DNAI4: variants seen among roughly 807,000 people sequenced by gnomAD.
DNAI4 encodes the protein WD repeat domain 78.
A neutral mutation model predicts 105.8 loss-of-function variants in DNAI4; 85 were observed. That is an observed-to-expected ratio of 0.80 (90% CI 0.67 to 0.96). The LOEUF is 0.96. DNAI4 is among the 40% of genes least tolerant of loss of function. DNAI4 has a pLI of 0.00. For synonymous variants in DNAI4, 352 were observed against 331.5 expected (o/e 1.06, Z -0.67); for missense variants, 1,014 against 1,005.6 (o/e 1.01, Z -0.11).
chr1:66,822,679 A>G (rs1279985683), intron 15 of DNAI4, among the ~76,000 whole-genome samples, 162 bp from the exon 16 acceptor site: 1 of 152,140 alleles, frequency 6.6e-6, no homozygotes, highest in Non-Finnish European at 1.5e-5. Flanking sequence ...TCCTTACTCA[A>G]TCAAAACCTT....
At chr1:66,859,781 T>A (rs1351903012) in intron 7 of DNAI4, among the ~76,000 whole-genome samples, 1 of 152,048 alleles carries the variant, frequency 6.6e-6, no homozygotes, top group Non-Finnish European at 1.5e-5. Flanking sequence ...AATAAAAATA[T>A]CAGTGACTAT....
In DNAI4 at chr1:66,890,813, A is replaced by AGAAGAGGAAAAGAGGAAGAGGAAGAAAAG. The variant is rs1353337254; in HGVS notation, c.643+312_643+340dup. ...AGAAGAAGTGAGGAAGAAGAGGAAA[A>AGAAGAGGAAAAGAGGAAGAGGAAGAAAAG]GAAGAGGAAAAGAGGAAGAGGAAGA... On this transcript the variant is annotated intron_variant, in intron 4 of 16. Coordinates refer to ENST00000371026, the MANE Select transcript of DNAI4 (RefSeq NM_024763.5). The surrounding 1 kb of genome is among the most constrained non-coding windows in gnomAD (Gnocchi z 4.1). 2 of 316,682 alleles carry AGAAGAGGAAAAGAGGAAGAGGAAGAAAAG rather than the reference A, an allele frequency of 6.3e-6. No individual in the cohort carries two copies. Among genetic ancestry groups the AGAAGAGGAAAAGAGGAAGAGGAAGAAAAG allele is most frequent in the Non-Finnish European group, 1.2e-5 (2 of 168,496 alleles). The allele number at this position is 316,682 out of a possible 1,614,324, so 19.6% of individuals were successfully genotyped here. A position where few individuals can be genotyped will look rare whatever the true frequency, so the allele number is the denominator to read the frequency against.
At chr1:66,922,479 G>A (rs573821077) in intron 1 of DNAI4, among the ~76,000 whole-genome samples, 27 of 152,220 alleles carry the variant, frequency 1.8e-4, no homozygotes, top group Non-Finnish European at 3.8e-4. Flanking sequence ...AGAGTCTATA[G>A]TGAGATCCTG....
At chr1:66,874,107 A>G (rs1296358342) in intron 5 of DNAI4, among the ~76,000 whole-genome samples, 1 of 151,952 alleles carries the variant, frequency 6.6e-6, no homozygotes, top group Non-Finnish European at 1.5e-5. Context: ...TATAGTAGCT[A>G]TATTAATTTT....
chr1:66,863,429 C>T (rs891701871), intron 6 of DNAI4, among the ~76,000 whole-genome samples: 3 of 151,818 alleles, frequency 2.0e-5, no homozygotes, highest in Admixed American at 6.6e-5. Flanking sequence ...CGGTAATAAT[C>T]GGGTTTTTTG....
chr1:66,894,145 T>C (rs930761038), intron 2 of DNAI4, among the ~76,000 whole-genome samples: 6 of 152,186 alleles, frequency 3.9e-5, no homozygotes, highest in Admixed American at 6.6e-5. Context: ...TAGTTAACTG[T>C]AAAACAGCCT....
At chr1:66,845,204 A>AAG (rs1572637675) in intron 8 of DNAI4, among the ~76,000 whole-genome samples, 1 of 32,514 alleles carries the variant, frequency 3.1e-5, no homozygotes, top group Non-Finnish European at 9.4e-5. Context: ...AAAAAAAAAA[A>AAG]AAAAAGAAAA....
In DNAI4 at chr1:66,844,814, G is replaced by T. The variant is rs1329509314; in HGVS notation, c.1291+2670C>A. 3.3e-5 allele frequency among the ~76,000 whole-genome samples: 5 copies of T among 152,152 alleles called. No homozygotes were observed. In the East Asian group the frequency reaches 9.6e-4, roughly 29 times the overall value. ...TAAGAAAATAAATTGGCAAGCCATA[G>T]ATTTAAATATTTGCAAAATATGTAA... On this transcript the variant is annotated intron_variant, in intron 8 of 16. Transcript: ENST00000371026.
intron 1 of DNAI4, chr1:66,907,042 ATCT>A (rs1352076737): frequency 1.3e-5 from 2 of 151,842 alleles, no homozygotes; most frequent in African/African-American, 4.8e-5. Flanking sequence ...TGCCCCAATC[ATCT>A]CCTCAACTTG....
intron 16 of DNAI4, among the ~76,000 whole-genome samples, chr1:66,814,793 A>T (rs1645483246): frequency 6.6e-6 from 1 of 152,174 alleles, no homozygotes; most frequent in Non-Finnish European, 1.5e-5. Context: ...ATACCTGTTA[A>T]ACTTACTGAT....
chr1:66,854,063 A>G (rs530607869), intron 7 of DNAI4, among the ~76,000 whole-genome samples: 5 of 152,214 alleles, frequency 3.3e-5, no homozygotes, highest in Non-Finnish European at 7.3e-5. Flanking sequence ...CTGTATTTCT[A>G]AATACTACCA....
chr1:66,833,881 A>G, intron 12 of DNAI4, 110 bp downstream of exon 12: 1 of 1,416,624 alleles, frequency 7.1e-7, no homozygotes, highest in Non-Finnish European at 9.4e-7. Flanking sequence ...TGACCAACCC[A>G]ATTTTTTTCT....
intron 6 of DNAI4, among the ~76,000 whole-genome samples, chr1:66,866,377 A>G (rs1384336592): frequency 6.6e-6 from 1 of 152,124 alleles, no homozygotes; most frequent in Non-Finnish European, 1.5e-5. Flanking sequence ...CCGATAATGT[A>G]CCTAAGTATT....
intron 1 of DNAI4, 44 bp downstream of exon 1, chr1:66,924,618 G>T: frequency 1.9e-6 from 3 of 1,613,910 alleles, no homozygotes; most frequent in South Asian, 1.1e-5. Flanking sequence ...GGCTCCCTCC[G>T]GGTCCCAGGG....
chr1:66,832,421 C>G (rs112657157), intron 13 of DNAI4, among the ~76,000 whole-genome samples: 1 of 152,036 alleles, frequency 6.6e-6, no homozygotes, highest in South Asian at 2.1e-4. Context: ...AAACATGGAA[C>G]ACATGTTCTG....
At chr1:66,845,260 G>A (rs1646253160) in intron 8 of DNAI4, among the ~76,000 whole-genome samples, 2 of 122,162 alleles carry the variant, frequency 1.6e-5, no homozygotes, top group South Asian at 5.8e-4. Flanking sequence ...AAATTGGTAA[G>A]AGACTTGACC....
chr1:66,873,851 C>CTTTTT (rs1646902588), intron 5 of DNAI4, among the ~76,000 whole-genome samples: 3 of 141,338 alleles, frequency 2.1e-5, no homozygotes, highest in African/African-American at 8.2e-5. Context: ...TTCCCTCTTT[C>CTTTTT]CTTTTTTTTT....
chr1:66,864,670 T>C (rs1646694723), intron 6 of DNAI4, among the ~76,000 whole-genome samples: 1 of 152,086 alleles, frequency 6.6e-6, no homozygotes, highest in Non-Finnish European at 1.5e-5. Context: ...GCCAACATGG[T>C]GAAACCCTGT....
chr1:66,815,810 A>C (rs1166724291), intron 16 of DNAI4, among the ~76,000 whole-genome samples: 1 of 152,238 alleles, frequency 6.6e-6, no homozygotes, highest in Admixed American at 6.5e-5. Flanking sequence ...GCCAACAGTT[A>C]GCTACATCAT....
Sources: allele counts gnomAD v4.1 joint callset (sites outside exome capture counted in the v4.1 genomes callset), GRCh38; gene constraint gnomAD v4.1.1; non-coding constraint Gnocchi (gnomAD v3.1); transcripts MANE v1.5; gene names NCBI Gene and HGNC (gene_info 2026-07-23, HGNC 2026-07-21).